Variants in PIK3C2G observed in about 807,000 individuals in gnomAD.
PIK3C2G encodes phosphatidylinositol-4-phosphate 3-kinase catalytic subunit type 2 gamma.
Under a neutral mutation model 181.1 loss-of-function variants are expected in PIK3C2G, and 168 were observed. The observed-to-expected ratio is 0.93, with a 90% CI of 0.82 to 1.05. The LOEUF is 1.05. PIK3C2G is among the 50% of genes least tolerant of loss of function. The pLI, the probability that PIK3C2G is intolerant of heterozygous loss-of-function variation, is 0.00. For synonymous variants in PIK3C2G, 573 were observed against 592.2 expected, an observed-to-expected ratio of 0.97 and a Z score of 0.47; for missense variants, 1,869 against 1,732.8, an observed-to-expected ratio of 1.08 and a Z score of -1.40.
chr12:18,642,765 G>A (rs542540956), intron 32 of PIK3C2G, among the ~76,000 whole-genome samples: 32 of 149,960 alleles, frequency 2.1e-4, no homozygotes, highest in Non-Finnish European at 3.7e-4. Context: ...ATAAATATTC[G>A]GGGCAGTTTT....
the PIK3C2G span, chr12:18,693,086 G>C: frequency 6.6e-7 from 1 of 1,511,750 alleles, no homozygotes. Context: ...ATGATCTGAG[G>C]GGGACCCCAA....
intron 3 of PIK3C2G, among the ~76,000 whole-genome samples, 175 bp downstream of exon 3, chr12:18,287,104 G>A (rs1452063799): frequency 1.3e-5 from 2 of 152,086 alleles, no homozygotes; most frequent in Non-Finnish European, 1.5e-5. Flanking sequence ...TTCTGTTAAT[G>A]TTTTTGTTGT....
At chr12:18,526,579 A>G (rs1943246704) in intron 24 of PIK3C2G, among the ~76,000 whole-genome samples, 1 of 152,136 alleles carries the variant, frequency 6.6e-6, no homozygotes, top group Admixed American at 6.5e-5. Flanking sequence ...ATTTATTAAG[A>G]ACGTGCTATA....
chr12:18,462,733 T>A (rs1054516056), intron 18 of PIK3C2G, among the ~76,000 whole-genome samples: 26 of 152,166 alleles, frequency 1.7e-4, no homozygotes, highest in Admixed American at 9.2e-4. Context: ...TTCCAAGTAA[T>A]GTCAGTTTTT....
intron 6 of PIK3C2G, among the ~76,000 whole-genome samples, chr12:18,315,251 A>G (rs1591926605): frequency 1.3e-5 from 2 of 152,272 alleles, no homozygotes; most frequent in East Asian, 3.9e-4. Context: ...GTTGTTTAGA[A>G]ATATCTTTTG....
intron 5 of PIK3C2G, among the ~76,000 whole-genome samples, chr12:18,299,722 T>G (rs976965476): frequency 9.2e-5 from 14 of 151,946 alleles, no homozygotes; most frequent in African/African-American, 2.7e-4. Flanking sequence ...ATACCTAGTT[T>G]GTTGAGCGTT....
At chr12:18,529,554 T>C (rs1312282102) in intron 24 of PIK3C2G, among the ~76,000 whole-genome samples, 2 of 152,180 alleles carry the variant, frequency 1.3e-5, no homozygotes, top group Non-Finnish European at 2.9e-5. Flanking sequence ...CTGTGAATTA[T>C]TTTGTTTTTA....
intron 5 of PIK3C2G, among the ~76,000 whole-genome samples, chr12:18,296,806 A>T (rs930330790): frequency 1.1e-4 from 17 of 152,124 alleles, no homozygotes; most frequent in African/African-American, 4.1e-4. Flanking sequence ...TAATGAACAC[A>T]GAGCAAATTA....
chr12:18,371,143 T>G, intron 12 of PIK3C2G, 37 bp from the exon 13 acceptor site: 1 of 1,539,094 alleles, frequency 6.5e-7, no homozygotes, highest in Admixed American at 1.8e-5. Context: ...ATCAGTACAA[T>G]TGGGTAGGTA....
chr12:18,704,605 G>A, the PIK3C2G span, among the ~76,000 whole-genome samples: 1 of 151,996 alleles, frequency 6.6e-6, no homozygotes, highest in East Asian at 1.9e-4. Context: ...GGGATTACAG[G>A]CATGAGTCAC....
intron 26 of PIK3C2G, among the ~76,000 whole-genome samples, chr12:18,560,288 C>G (rs976322226): frequency 4.0e-5 from 6 of 151,444 alleles, no homozygotes; most frequent in Non-Finnish European, 7.4e-5. Flanking sequence ...AGAATTATAA[C>G]AAGAAAAAGA....
At chr12:18,292,139 G>A (rs1949715862) in intron 4 of PIK3C2G, among the ~76,000 whole-genome samples, 1 of 145,552 alleles carries the variant, frequency 6.9e-6, no homozygotes. Flanking sequence ...GAACCAGGGA[G>A]GTGGAGGTTG....
upstream of PIK3C2G, among the ~76,000 whole-genome samples, chr12:18,244,039 A>T (rs1456390973): frequency 1.3e-5 from 2 of 151,992 alleles, no homozygotes; most frequent in Non-Finnish European, 2.9e-5. Context: ...TGTGGTAATA[A>T]CTATGAGAAC....
intron 30 of PIK3C2G, among the ~76,000 whole-genome samples, chr12:18,601,967 A>C (rs1001620449): frequency 6.6e-6 from 1 of 152,118 alleles, no homozygotes; most frequent in African/African-American, 2.4e-5. Flanking sequence ...AGGAGGGGGT[A>C]AAACTGCACA....
chr12:18,598,884 A>G (rs1453356229), intron 30 of PIK3C2G, among the ~76,000 whole-genome samples: 3 of 151,940 alleles, frequency 2.0e-5, no homozygotes, highest in Non-Finnish European at 1.5e-5. Context: ...GCAGCCAAAA[A>G]ACACATGAGA....
At chr12:18,286,744 A>T in intron 2 of PIK3C2G, 103 bp from the exon 3 acceptor site, 3 of 638,800 alleles carry the variant, frequency 4.7e-6, no homozygotes, top group Non-Finnish European at 7.9e-6. Flanking sequence ...AAAAAAAATT[A>T]AAAATGAAGT....
intron 29 of PIK3C2G, among the ~76,000 whole-genome samples, chr12:18,573,992 C>T (rs1293349888): frequency 1.3e-5 from 2 of 152,152 alleles, no homozygotes; most frequent in Admixed American, 6.6e-5. Flanking sequence ...CTTTTAAGAT[C>T]ACACAAATAC....
At chr12:18,407,259 A>G (rs1357252132) in intron 16 of PIK3C2G, among the ~76,000 whole-genome samples, 1 of 152,158 alleles carries the variant, frequency 6.6e-6, no homozygotes, top group Non-Finnish European at 1.5e-5. Flanking sequence ...TTAAACATAA[A>G]TGACTTAAAC....
chr12:18,393,123 C>G (rs979699479), intron 15 of PIK3C2G, among the ~76,000 whole-genome samples: 1 of 152,014 alleles, frequency 6.6e-6, no homozygotes, highest in African/African-American at 2.4e-5. Context: ...GAGGTCAAAA[C>G]CAACAAATAA....
Sources: gnomAD v4.1 joint callset for allele counts (sites outside exome capture counted in the v4.1 genomes callset) on GRCh38, gnomAD v4.1.1 for gene constraint, MANE v1.5 for transcripts, NCBI Gene and HGNC (gene_info 2026-07-23, HGNC 2026-07-21) for gene names.